Variants in PDZD8 observed in about 807,000 individuals in gnomAD.
PDZD8 encodes the protein PDZ domain-containing protein 8.
In PDZD8, 14 loss-of-function variants were observed where a neutral mutation model predicts 85.8. The ratio of observed to expected loss-of-function variants is 0.16; its 90% CI spans 0.11 to 0.26. PDZD8 has a LOEUF of 0.26. Ranked by LOEUF, PDZD8 falls within the 10% of genes least tolerant of loss-of-function variation. The pLI is 1.00. For synonymous variants in PDZD8, 592 were observed against 568.6 expected (o/e 1.04, Z -0.59); for missense variants, 1,197 against 1,424.3 (o/e 0.84, Z 2.57).
intron 3 of PDZD8, among the ~76,000 whole-genome samples, chr10:117,313,433 TTAAG>T (rs1205443195): frequency 3.9e-5 from 6 of 152,294 alleles, no homozygotes; most frequent in South Asian, 4.1e-4. Flanking sequence ...AAATCTAAAA[TTAAG>T]TAAGTGCCAC....
chr10:117,367,372 C>T (rs963079132), intron 1 of PDZD8, among the ~76,000 whole-genome samples: 3 of 151,952 alleles, frequency 2.0e-5, no homozygotes, highest in East Asian at 1.9e-4. Flanking sequence ...TATAGCGCCA[C>T]CGCACTCCAG....
chr10:117,287,380 A>G (rs1188188862), intron 4 of PDZD8, among the ~76,000 whole-genome samples: 4 of 152,116 alleles, frequency 2.6e-5, no homozygotes, highest in African/African-American at 4.8e-5. Context: ...GGTAAATTAC[A>G]GCCACTCCAG....
chr10:117,360,461 C>T (rs181868515), intron 1 of PDZD8, among the ~76,000 whole-genome samples: 1 of 152,246 alleles, frequency 6.6e-6, no homozygotes, highest in East Asian at 1.9e-4. Context: ...AGCCCCCCAA[C>T]ACACACCATT....
chr10:117,325,369 T>C (rs895919103), intron 2 of PDZD8, among the ~76,000 whole-genome samples: 31 of 151,074 alleles, frequency 2.1e-4, no homozygotes, highest in African/African-American at 6.3e-4. Flanking sequence ...AAAGACTTAT[T>C]TGAGATTACC....
Position 117,374,916 on chromosome 10 carries a change from G to C in PDZD8, c.312C>G (p.Phe104Leu), listed in dbSNP as rs1156918802. 6.2e-7 allele frequency: 1 copy of C among 1,613,366 alleles called. No individual in the cohort carries two copies. The highest frequency in any genetic ancestry group is 1.3e-5 in the African/African-American group (1 of 74,908). Residue 104 changes from phenylalanine (F) to leucine (L), a missense_variant, in exon 1 of 5, where the codon TTC becomes TTG. Physicochemically the swap from Phe to Leu is conservative, Grantham distance 22. Around this residue, in one of 4 missense-constraint regions of PDZD8, gnomAD observed 344 missense variants for 453.6 expected, o/e 0.76. Coordinates refer to ENST00000334464, the MANE Select transcript of PDZD8 (RefSeq NM_173791.5). The surrounding 1 kb of genome is among the most constrained non-coding windows in gnomAD (Gnocchi z 7.8). ...TCYFLNATILFLFRELRDTAL... is the reference protein window; with the variant it reads ...TCYFLNATILLLFRELRDTAL... The stretch of plus-strand genomic sequence containing the variant: ...CGGTGTCCCGCAACTCCCGGAACAG[G>C]AATAGGATGGTGGCGTTGAGGAAGT...
intron 1 of PDZD8, among the ~76,000 whole-genome samples, chr10:117,342,529 G>A (rs1272797287): frequency 6.6e-6 from 1 of 152,162 alleles, no homozygotes; most frequent in African/African-American, 2.4e-5. Flanking sequence ...CCAAGCTGGA[G>A]TGCAGTGGCA....
At chr10:117,290,714 T>A (rs1565018534) in intron 3 of PDZD8, among the ~76,000 whole-genome samples, 2 of 152,010 alleles carry the variant, frequency 1.3e-5, no homozygotes, top group Non-Finnish European at 2.9e-5. Context: ...AACACAAAAT[T>A]GAGATTTGTC....
chr10:117,368,480 T>A (rs1845128261), intron 1 of PDZD8, among the ~76,000 whole-genome samples: 1 of 152,196 alleles, frequency 6.6e-6, no homozygotes, highest in Admixed American at 6.5e-5. Flanking sequence ...TAAAATATTT[T>A]CCAATGTAAT....
At chr10:117,330,489 G>C (rs777623207) in intron 2 of PDZD8, among the ~76,000 whole-genome samples, 6 of 152,122 alleles carry the variant, frequency 3.9e-5, no homozygotes, top group Non-Finnish European at 8.8e-5. Flanking sequence ...TACTTGCTGA[G>C]CAGATCAACG....
intron 2 of PDZD8, among the ~76,000 whole-genome samples, chr10:117,335,179 T>C (rs923309724): frequency 1.3e-5 from 2 of 152,132 alleles, no homozygotes; most frequent in African/African-American, 4.8e-5. Context: ...ATAAAAAAAG[T>C]TGCTGACTTC....
intron 3 of PDZD8, among the ~76,000 whole-genome samples, chr10:117,310,278 A>G (rs1038994478): frequency 5.3e-5 from 8 of 152,150 alleles, no homozygotes; most frequent in African/African-American, 1.9e-4. Flanking sequence ...TTTTCCCAAA[A>G]GAATGTTACT....
In PDZD8 at chr10:117,285,609, C is replaced by T. The variant is rs932747694; in HGVS notation, c.1262-138G>A. ...ACTAATAGAAGAATAATAGGAAAATCTCAACAATATTTTATTTGGCTTTTG... is the reference window on the plus strand; with the variant it reads ...ACTAATAGAAGAATAATAGGAAAATTTCAACAATATTTTATTTGGCTTTTG... On this transcript the variant is annotated intron_variant, in intron 4 of 4. Coordinates refer to ENST00000334464, the MANE Select transcript of PDZD8 (RefSeq NM_173791.5). 22 of 1,153,290 alleles carry T rather than the reference C, an allele frequency of 1.9e-5. No homozygotes were observed. The South Asian group carries it at 5.0e-4, about 26-fold the overall frequency. The allele number at this position is 1,153,290 out of a possible 1,614,324, so 71.4% of individuals were successfully genotyped here. A position where few individuals can be genotyped will look rare whatever the true frequency, so the allele number is the denominator to read the frequency against.
intron 2 of PDZD8, among the ~76,000 whole-genome samples, chr10:117,338,631 T>A (rs1490597517): frequency 6.6e-6 from 1 of 152,202 alleles, no homozygotes; most frequent in Non-Finnish European, 1.5e-5. Flanking sequence ...GTAAAAATTC[T>A]TATTGGTTTC....
intron 1 of PDZD8, among the ~76,000 whole-genome samples, chr10:117,341,876 T>C (rs1844619365): frequency 6.6e-6 from 1 of 152,190 alleles, no homozygotes; most frequent in African/African-American, 2.4e-5. Context: ...TCAATAACAA[T>C]TAACACAGCA....
At chr10:117,341,280 T>C (rs1477581477) in intron 1 of PDZD8, among the ~76,000 whole-genome samples, 178 bp from the exon 2 acceptor site, 1 of 152,200 alleles carries the variant, frequency 6.6e-6, no homozygotes, top group East Asian at 1.9e-4. Flanking sequence ...GCCTTCGCTA[T>C]GGCACCCATA....
At chr10:117,308,714 T>C (rs922730979) in intron 3 of PDZD8, among the ~76,000 whole-genome samples, 1 of 152,116 alleles carries the variant, frequency 6.6e-6, no homozygotes, top group Non-Finnish European at 1.5e-5. Context: ...CTGCCTGGGT[T>C]TGCAGACTGT....
chr10:117,363,293 G>C (rs1418112263), intron 1 of PDZD8, among the ~76,000 whole-genome samples: 2 of 152,012 alleles, frequency 1.3e-5, no homozygotes, highest in African/African-American at 2.4e-5. Context: ...GTGTAAAAAG[G>C]ACAAAAAATT....
chr10:117,295,083 T>C (rs1271618155), intron 3 of PDZD8, among the ~76,000 whole-genome samples: 2 of 151,086 alleles, frequency 1.3e-5, no homozygotes, highest in Non-Finnish European at 1.5e-5. Flanking sequence ...AAGGTGGAGG[T>C]TGCATTGAGC....
intron 3 of PDZD8, among the ~76,000 whole-genome samples, chr10:117,301,511 G>A (rs922644000): frequency 6.6e-6 from 1 of 152,166 alleles, no homozygotes; most frequent in Admixed American, 6.5e-5. Context: ...GAACTTCTAT[G>A]TACAACATAC....
Sources: gnomAD v4.1 joint callset for allele counts (sites outside exome capture counted in the v4.1 genomes callset) on GRCh38, gnomAD v4.1.1 for gene constraint, gnomAD v4.1.1 regional missense constraint, Gnocchi (gnomAD v3.1) non-coding constraint, MANE v1.5 for transcripts, NCBI Gene and HGNC (gene_info 2026-07-23, HGNC 2026-07-21) for gene names.